Variants in MLXIP observed in about 807,000 individuals in gnomAD.
The protein encoded by MLXIP is MLX-interacting protein.
A neutral mutation model predicts 87.2 loss-of-function variants in MLXIP; 30 were observed. The ratio of observed to expected loss-of-function variants is 0.34; its 90% CI spans 0.26 to 0.47. The LOEUF (loss-of-function observed/expected upper bound fraction) is 0.47. MLXIP is among the 20% of genes least tolerant of loss of function. The pLI is 1.00. For missense variants in MLXIP, 1,002 were observed against 1,240.1 expected, an observed-to-expected ratio of 0.81 and a Z score of 2.88; for synonymous variants, 530 against 514.0, an observed-to-expected ratio of 1.03 and a Z score of -0.42.
At chr12:122,082,414 A>G (rs148932912) in intron 1 of MLXIP, among the ~76,000 whole-genome samples, 5 of 152,342 alleles carry the variant, frequency 3.3e-5, no homozygotes, top group African/African-American at 1.2e-4. Context: ...ATGCTATTCA[A>G]TGGGAAAGAT....
intron 1 of MLXIP, among the ~76,000 whole-genome samples, chr12:122,113,552 G>C (rs1297074544): frequency 6.6e-6 from 1 of 151,990 alleles, no homozygotes; most frequent in Non-Finnish European, 1.5e-5. Context: ...ACAGATGTGA[G>C]CCACCACATC....
At chr12:122,105,788 A>C (rs1952509956) in intron 1 of MLXIP, among the ~76,000 whole-genome samples, 1 of 152,094 alleles carries the variant, frequency 6.6e-6, no homozygotes. Context: ...TCAAAAAAAA[A>C]AAAAACTTCC....
At position 122,137,850 on chromosome 12, in the gene MLXIP, G is replaced by A. The variant is rs1184352616; in HGVS notation, c.2154+260G>A. On this transcript the variant is annotated intron_variant, in intron 12 of 16. Coordinates refer to ENST00000319080, the MANE Select transcript of MLXIP (RefSeq NM_014938.6). The surrounding 1 kb of genome is among the most constrained non-coding windows in gnomAD (Gnocchi z 4.1). Reference sequence around the variant, plus strand: ...GTAGTGTGCAGGTACTGCTCAGGCTGCCCGCATCAGTTGCAGGAGGGGTGT... The same window carrying A: ...GTAGTGTGCAGGTACTGCTCAGGCTACCCGCATCAGTTGCAGGAGGGGTGT... Among the ~76,000 whole-genome samples, 2 of 152,240 alleles carry A rather than the reference G, an allele frequency of 1.3e-5. No individual in the cohort carries two copies. Among genetic ancestry groups the A allele is most frequent in the African/African-American group, 4.8e-5 (2 of 41,462 alleles).
intron 1 of MLXIP, among the ~76,000 whole-genome samples, chr12:122,090,490 CTG>C (rs1952229972): frequency 2.4e-5 from 3 of 126,100 alleles, no homozygotes; most frequent in Admixed American, 7.7e-5. Flanking sequence ...GAGCGAGACT[CTG>C]TCTCAAAAAA....
chr12:122,101,760 T>C (rs545272965), intron 1 of MLXIP, among the ~76,000 whole-genome samples: 3 of 152,094 alleles, frequency 2.0e-5, no homozygotes, highest in Non-Finnish European at 2.9e-5. Flanking sequence ...TTTGTATTTT[T>C]AGTAAAGACA....
At chr12:122,096,239 G>A (rs1244396803) in intron 1 of MLXIP, among the ~76,000 whole-genome samples, 4 of 151,994 alleles carry the variant, frequency 2.6e-5, no homozygotes, top group African/African-American at 4.8e-5. Context: ...CGCCACACCC[G>A]GCTTCTGCAG....
chr12:122,132,333 C>T lies in MLXIP; in HGVS notation c.1042C>T (p.Pro348Ser). The change falls in exon 8 of 17, where the codon CCT becomes TCT. Residue 348 changes from proline to serine, a missense_variant. Physicochemically the swap from Pro to Ser is moderately conservative, Grantham distance 74 (BLOSUM62 -1). Around this residue, in one of 3 missense-constraint regions of MLXIP, gnomAD observed 746 missense variants for 897.0 expected, o/e 0.83. Transcript: ENST00000319080. ...SSRSIFGSML[P>S]ASASAPVPDP... ...CCGCTCCATTTTTGGCTCCATGCTA[C>T]CTGCATCTGCCTCAGCACCTGTACC... The T allele has an allele frequency of 6.2e-7, 1 of 1,613,310 alleles. No individual in the cohort carries two copies. The highest frequency in any genetic ancestry group is 2.2e-5 in the East Asian group (1 of 44,860).
In MLXIP at chr12:122,109,312, G is replaced by A. The variant is rs544962311; in HGVS notation, c.414-17944G>A. ...TTGAACTCCTGACCTGAAGTGATCC[G>A]CCCGCCTTGGCCTCCCAAAGTGTTG... On this transcript the variant is annotated intron_variant, in intron 1 of 16. Coordinates refer to ENST00000319080, the MANE Select transcript of MLXIP (RefSeq NM_014938.6). 1.1e-4 allele frequency among the ~76,000 whole-genome samples: 17 copies of A among 152,242 alleles called. No homozygotes were observed. The South Asian group carries it at 2.3e-3, about 20-fold the overall frequency.
chr12:122,141,222 G>A, intron 16 of MLXIP, 139 bp downstream of exon 16: 3 of 1,300,828 alleles, frequency 2.3e-6, no homozygotes, highest in South Asian at 1.6e-5. Flanking sequence ...CTGTCCAGGA[G>A]GTCCTCAGTC....
chr12:122,139,091 G>A, intron 15 of MLXIP, 153 bp downstream of exon 15: 2 of 1,275,004 alleles, frequency 1.6e-6, no homozygotes, highest in Non-Finnish European at 2.1e-6. Flanking sequence ...TCGGGAGAGA[G>A]TGGTCCGGCC....
chr12:122,108,773 C>T (rs1217313717), intron 1 of MLXIP, among the ~76,000 whole-genome samples: 2 of 152,148 alleles, frequency 1.3e-5, no homozygotes, highest in African/African-American at 4.8e-5. Context: ...GAGTGCCCAT[C>T]ACTGTCTAGG....
intron 1 of MLXIP, among the ~76,000 whole-genome samples, chr12:122,094,386 GT>G (rs1952310686): frequency 7.0e-6 from 1 of 141,866 alleles, no homozygotes; most frequent in Non-Finnish European, 1.5e-5. Flanking sequence ...CAGTGTCTGT[GT>G]GGTGTTGGTG....
rs1281008148 is a variant in MLXIP at position 122,133,868 on chromosome 12, T to C, written c.1613T>C (p.Phe538Ser). 1.3e-5 allele frequency: 21 copies of C among 1,612,654 alleles called. No individual in the cohort carries two copies. Among genetic ancestry groups the C allele is most frequent in the Non-Finnish European group, 1.8e-5 (21 of 1,179,518 alleles). ...VTRPPQPRLT[F>S]VHPKPVSLTG... ...CGGCCTCCCCAGCCACGGTTAACTT[T>C]TGTGCACCCCAAACCTGTATCCTTG... is the stretch of plus-strand genomic sequence containing the variant. Residue 538 changes from phenylalanine (F) to serine (S), a missense_variant, in exon 9 of 17, where the codon TTT becomes TCT. Coordinates refer to ENST00000319080, the MANE Select transcript of MLXIP (RefSeq NM_014938.6). This position sits in a 1 kb window ranked among gnomAD's most constrained non-coding sequence, Gnocchi z 4.9.
chr12:122,124,173 C>G (rs1401649702), intron 1 of MLXIP, among the ~76,000 whole-genome samples: 1 of 121,786 alleles, frequency 8.2e-6, no homozygotes, highest in Non-Finnish European at 1.7e-5. Context: ...CCTCAGCCGT[C>G]CCCCGCCCCA....
chr12:122,127,807 AG>A, intron 2 of MLXIP, 75 bp from the exon 3 acceptor site: 2 of 1,149,504 alleles, frequency 1.7e-6, no homozygotes, highest in South Asian at 1.2e-5. Flanking sequence ...GCCCTAGGGG[AG>A]GGGTGCAGCA....
At chr12:122,098,868 C>T (rs1457720813) in intron 1 of MLXIP, among the ~76,000 whole-genome samples, 1 of 152,224 alleles carries the variant, frequency 6.6e-6, no homozygotes, top group Non-Finnish European at 1.5e-5. Context: ...CCACTGGTTC[C>T]AGAGAAGAAA....
chr12:122,142,382 C>T lies in MLXIP; in HGVS notation c.*570C>T, dbSNP rs1477195679. On this transcript the variant is annotated 3_prime_UTR_variant, in exon 17 of 17. Coordinates refer to ENST00000319080, the MANE Select transcript of MLXIP (RefSeq NM_014938.6). The stretch of plus-strand genomic sequence containing the variant: ...TTCAGGCTTATGCATGGCAGGCTGC[C>T]AGGGGGAAGTGCCTTCTTCAGAGGT... The T allele has an allele frequency of 1.9e-6, 1 of 526,964 alleles. No homozygotes were observed. The highest frequency in any genetic ancestry group is 3.6e-6 in the Non-Finnish European group (1 of 274,014). The allele number at this position is 526,964 out of a possible 1,614,324, so 32.6% of individuals were successfully genotyped here.
Position 122,137,188 on chromosome 12 carries a change from G to A in MLXIP, c.2033-281G>A, listed in dbSNP as rs1048854895. 1.5e-5 allele frequency: 4 copies of A among 262,030 alleles called. No homozygotes were observed. The highest frequency in any genetic ancestry group is 6.8e-5 in the East Asian group (1 of 14,778). 16.2% of individuals were successfully genotyped at this position (262,030 alleles called of 1,614,324 possible). A position where few individuals can be genotyped will look rare whatever the true frequency, so the allele number is the denominator to read the frequency against. ...TAATAATAATAAAGAGCCCACCTGC[G>A]AAATATCTCGTAAAGCGACACCAGT... On this transcript the variant is annotated intron_variant, in intron 11 of 16. Transcript: ENST00000319080. The surrounding 1 kb of genome is among the most constrained non-coding windows in gnomAD (Gnocchi z 4.1).
intron 4 of MLXIP, 34 bp from the exon 5 acceptor site, chr12:122,129,554 T>G (rs773097302): frequency 1.2e-6 from 2 of 1,611,666 alleles, no homozygotes; most frequent in African/African-American, 1.3e-5. Context: ...CTAGGGCCAT[T>G]GGTGACCGCC....
Sources: gnomAD v4.1 joint callset for allele counts (sites outside exome capture counted in the v4.1 genomes callset) on GRCh38, gnomAD v4.1.1 for gene constraint, gnomAD v4.1.1 regional missense constraint, Gnocchi (gnomAD v3.1) non-coding constraint, MANE v1.5 for transcripts, NCBI Gene and HGNC (gene_info 2026-07-23, HGNC 2026-07-21) for gene names.